NAA11: variants seen among roughly 807,000 people sequenced by gnomAD.
NAA11 encodes the protein N-alpha-acetyltransferase 11.
NAA11 carries 15 observed loss-of-function variants against 16.1 expected under a neutral mutation model. The observed-to-expected ratio is 0.93, with a 90% CI of 0.62 to 1.44. The LOEUF is 1.44. Ranked by LOEUF, NAA11 falls within the 40% of genes most tolerant of loss-of-function variation. NAA11 has a pLI of 0.00. For missense variants in NAA11, 298 were observed against 291.3 expected (o/e 1.02, Z -0.17); for synonymous variants, 122 against 112.4 (o/e 1.09, Z -0.54).
chr4:79,236,374 A>G (rs1182146280), intron 2 of NAA11, among the ~76,000 whole-genome samples: 1 of 152,106 alleles, frequency 6.6e-6, no homozygotes, highest in African/African-American at 2.4e-5. Context: ...ATGAATATAA[A>G]TAAGTTTCAG....
chr4:79,163,040 T>C, the NAA11 span, among the ~76,000 whole-genome samples: 1 of 152,232 alleles, frequency 6.6e-6, no homozygotes, highest in African/African-American at 2.4e-5. Context: ...GTAATGCAGC[T>C]AATATAAGTG....
downstream of NAA11, among the ~76,000 whole-genome samples, chr4:79,225,116 A>G (rs1721281220): frequency 6.6e-6 from 1 of 152,124 alleles, no homozygotes; most frequent in Non-Finnish European, 1.5e-5. Context: ...TATTATATCA[A>G]TATTAGTTTA....
chr4:79,169,861 C>T, the NAA11 span, among the ~76,000 whole-genome samples: 6 of 152,122 alleles, frequency 3.9e-5, no homozygotes, highest in Admixed American at 2.6e-4. Flanking sequence ...GGAGATGACA[C>T]GAATTGTATG....
At chr4:79,189,145 C>CAAAAA in the NAA11 span, among the ~76,000 whole-genome samples, 1,193 of 42,252 alleles carry the variant, frequency 0.028, 158 homozygotes, top group African/African-American at 0.067. Context: ...GACTCCATCT[C>CAAAAA]AAAAAAAAAA....
At chr4:79,269,703 T>G (rs1231574482) in intron 2 of NAA11, among the ~76,000 whole-genome samples, 1 of 144,322 alleles carries the variant, frequency 6.9e-6, no homozygotes, top group Non-Finnish European at 1.5e-5. Context: ...GCTCTTTAGT[T>G]TAATTAGATC....
chr4:79,302,526 CT>C (rs1489006427), intron 1 of NAA11, among the ~76,000 whole-genome samples: 4 of 152,066 alleles, frequency 2.6e-5, no homozygotes, highest in Admixed American at 2.0e-4. Context: ...ATAACAAAGT[CT>C]CATTTTTTTG....
chr4:79,308,690 C>A (rs1723663984), intron 1 of NAA11: 1 of 152,152 alleles, frequency 6.6e-6, no homozygotes, highest in Non-Finnish European at 1.5e-5. Flanking sequence ...TCCTGACCCT[C>A]TTGAGGTTCC....
At chr4:79,306,239 G>A (rs1284692580) in intron 1 of NAA11, among the ~76,000 whole-genome samples, 1 of 152,130 alleles carries the variant, frequency 6.6e-6, no homozygotes, top group African/African-American at 2.4e-5. Context: ...AGCTTGTAAG[G>A]GCTGTGATAA....
the NAA11 span, among the ~76,000 whole-genome samples, chr4:79,171,663 A>G: frequency 1.3e-5 from 2 of 152,206 alleles, no homozygotes; most frequent in African/African-American, 4.8e-5. Flanking sequence ...ACATAGCACC[A>G]TTATTGTATA....
intron 1 of NAA11, among the ~76,000 whole-genome samples, chr4:79,301,423 T>G (rs1723378600): frequency 6.6e-6 from 1 of 152,234 alleles, no homozygotes; most frequent in South Asian, 2.1e-4. Flanking sequence ...CAAGAGACAC[T>G]TAGCATTTAC....
chr4:79,245,884 C>T (rs1272770150), intron 2 of NAA11, among the ~76,000 whole-genome samples: 1 of 152,194 alleles, frequency 6.6e-6, no homozygotes, highest in Non-Finnish European at 1.5e-5. Flanking sequence ...GAGGTGTACC[C>T]AACAGCTCAT....
At chr4:79,310,107 G>T (rs1401273707) in intron 1 of NAA11, among the ~76,000 whole-genome samples, 1 of 152,022 alleles carries the variant, frequency 6.6e-6, no homozygotes, top group Non-Finnish European at 1.5e-5. Context: ...TCATTCATTC[G>T]TGCTTTTACT....
the NAA11 span, among the ~76,000 whole-genome samples, chr4:79,163,182 G>T: frequency 6.6e-6 from 1 of 152,142 alleles, no homozygotes; most frequent in Non-Finnish European, 1.5e-5. Flanking sequence ...TTTTAGAGTT[G>T]GCAGCACAGC....
At chr4:79,178,214 G>C in the NAA11 span, among the ~76,000 whole-genome samples, 2 of 152,140 alleles carry the variant, frequency 1.3e-5, no homozygotes, top group South Asian at 4.1e-4. Context: ...TAATGGTAAG[G>C]CATGACTTTG....
At chr4:79,202,827 C>T in the NAA11 span, among the ~76,000 whole-genome samples, 7 of 149,984 alleles carry the variant, frequency 4.7e-5, no homozygotes, top group Admixed American at 2.0e-4. Flanking sequence ...TTATTAGAGC[C>T]GTACAATCAT....
At chr4:79,242,198 A>G (rs1721712440) in intron 2 of NAA11, among the ~76,000 whole-genome samples, 1 of 152,170 alleles carries the variant, frequency 6.6e-6, no homozygotes, top group African/African-American at 2.4e-5. Flanking sequence ...AGAGTCTTGT[A>G]AGCACTACAG....
chr4:79,325,479 C>T lies in NAA11; in HGVS notation c.399G>A (p.Val133=). The T allele has an allele frequency of 6.2e-7, 1 of 1,614,202 alleles. No homozygotes were observed. Among genetic ancestry groups the T allele is most frequent in the Non-Finnish European group, 8.5e-7 (1 of 1,180,046 alleles). Residue 133 remains valine, a synonymous_variant, in exon 1 of 2, where the codon GTG becomes GTA. Transcript: ENST00000286794. ...CCCCATCTGCATAGTATTTAGGTTC[C>T]ACCTCACTAATCTGAAAGTTGAGGG... ...SNTLNFQISE[V]EPKYYADGED...
the NAA11 span, among the ~76,000 whole-genome samples, chr4:79,191,368 C>T: frequency 2.6e-5 from 4 of 151,240 alleles, no homozygotes; most frequent in East Asian, 7.7e-4. Flanking sequence ...TAATAATAGC[C>T]ATTCTGACTG....
At chr4:79,290,676 G>C (rs1723059748) in intron 2 of NAA11, among the ~76,000 whole-genome samples, 1 of 152,154 alleles carries the variant, frequency 6.6e-6, no homozygotes, top group South Asian at 2.1e-4. Flanking sequence ...ATTTGTCTAG[G>C]TTGGGTTTGA....
Sources: gnomAD v4.1 joint callset for allele counts (sites outside exome capture counted in the v4.1 genomes callset) on GRCh38, gnomAD v4.1.1 for gene constraint, MANE v1.5 for transcripts, NCBI Gene and HGNC (gene_info 2026-07-23, HGNC 2026-07-21) for gene names.